Variants in LHX6 observed in about 807,000 individuals in gnomAD.
LHX6 encodes the protein LIM/homeobox protein Lhx6.
In LHX6, 15 loss-of-function variants were observed where a neutral mutation model predicts 47.1. The observed-to-expected ratio is 0.32, with a 90% confidence interval of 0.21 to 0.49. The LOEUF is 0.49. LHX6 is among the 20% of genes least tolerant of loss of function. The pLI, the probability that LHX6 is intolerant of heterozygous loss-of-function variation, is 0.99. For missense variants in LHX6, 404 were observed against 539.6 expected (o/e 0.75, Z 2.49); for synonymous variants, 242 against 233.5 (o/e 1.04, Z -0.33).
At chr9:122,223,531 A>G (rs1006097514) in intron 4 of LHX6, among the ~76,000 whole-genome samples, 7 of 152,134 alleles carry the variant, frequency 4.6e-5, no homozygotes, top group Non-Finnish European at 1.0e-4. Flanking sequence ...CTTCCCCCCA[A>G]CAGTGGCCTC....
At position 122,226,689 on chromosome 9, in the gene LHX6, G is replaced by A; in HGVS notation, c.339+159C>T. On this transcript the variant is annotated intron_variant, in intron 3 of 9. Transcript: ENST00000394319. The surrounding 1 kb of genome is among the most constrained non-coding windows in gnomAD (Gnocchi z 6.5). ...TCTTCTTATTTTTCAGACGGAACCC[G>A]GGGGCTCAGGCAGACCCTAAGTCTT... 8.4e-7 allele frequency: 1 copy of A among 1,194,936 alleles called. No homozygotes were observed. Among genetic ancestry groups the A allele is most frequent in the Non-Finnish European group, 1.1e-6 (1 of 877,520 alleles). 74.0% of individuals were successfully genotyped at this position (1,194,936 alleles called of 1,614,324 possible).
intron 8 of LHX6, among the ~76,000 whole-genome samples, chr9:122,211,638 A>AC (rs1370706901): frequency 2.6e-5 from 4 of 152,228 alleles, no homozygotes; most frequent in African/African-American, 9.6e-5. Context: ...GCAGGTGCAC[A>AC]CACCCCCAAC....
intron 4 of LHX6, chr9:122,221,334 C>G: frequency 1.0e-6 from 1 of 985,644 alleles, no homozygotes; most frequent in Non-Finnish European, 1.2e-6. Context: ...CAACATCTGT[C>G]CCCCAACAGC....
At position 122,213,159 on chromosome 9, in the gene LHX6, G is replaced by A. The variant is rs1189183656; in HGVS notation, c.1054+447C>T. ...TTCAGTCTCTGCTTGCTGAAAGGCA[G>A]CCCAGCCCCTTCCCTTCCACCCCGC... is the stretch of plus-strand genomic sequence containing the variant. On this transcript the variant is annotated intron_variant, in intron 8 of 9. Transcript: ENST00000394319. This position sits in a 1 kb window ranked among gnomAD's most constrained non-coding sequence, Gnocchi z 5.5. 1.3e-5 allele frequency among the ~76,000 whole-genome samples: 2 copies of A among 151,926 alleles called. No homozygotes were observed. The highest frequency in any genetic ancestry group is 4.8e-5 in the African/African-American group (2 of 41,352).
At position 122,226,877 on chromosome 9, in the gene LHX6, G is replaced by A; in HGVS notation, c.310C>T (p.Leu104Phe). ...AGKNICSSCG[L>F]EILDRYLLKV... is the part of the protein sequence containing the mutation. Reference sequence around the variant, plus strand: ...AGCAGATATCGGTCCAGGATCTCGAGGCCGCAGCTGGAGCAGATGTTCTTG... The same window carrying A: ...AGCAGATATCGGTCCAGGATCTCGAAGCCGCAGCTGGAGCAGATGTTCTTG... The change falls in exon 3 of 10, where the codon CTC becomes TTC. Residue 104 changes from leucine (L) to phenylalanine (F), a missense_variant. By Grantham distance (22) the Leu-to-Phe change is conservative. Transcript: ENST00000394319. The surrounding 1 kb of genome is among the most constrained non-coding windows in gnomAD (Gnocchi z 6.5). 6.4e-7 allele frequency: 1 copy of A among 1,567,728 alleles called. No individual in the cohort carries two copies. Among genetic ancestry groups the A allele is most frequent in the Non-Finnish European group, 8.6e-7 (1 of 1,156,536 alleles).
Position 122,227,440 on chromosome 9 carries a change from C to T in LHX6, c.125G>A (p.Arg42His). The change falls in exon 2 of 10, where the codon CGC becomes CAC. Residue 42 changes from arginine to histidine, a missense_variant. Transcript: ENST00000394319. ...GGGCGGCGCGGTCCCTTCAAGACAG[C>T]GGGTGGTCGCTTTGCAGCCGGACCC... Reference protein sequence around the residue: ...QPGSGCKATTRCLEGTAPPAM... With the variant: ...QPGSGCKATTHCLEGTAPPAM... 2 of 1,261,806 alleles carry T rather than the reference C, an allele frequency of 1.6e-6. No homozygotes were observed. The allele number at this position is 1,261,806 out of a possible 1,614,324, so 78.2% of individuals were successfully genotyped here. A position where few individuals can be genotyped will look rare whatever the true frequency, so the allele number is the denominator to read the frequency against.
chr9:122,227,316 T>C, intron 2 of LHX6, 93 bp downstream of exon 2: 1 of 1,245,730 alleles, frequency 8.0e-7, no homozygotes. Flanking sequence ...CCCCAGAGCG[T>C]GAGCAGCAGT....
In LHX6 at chr9:122,227,477, T is replaced by A. The variant is rs1831159721; in HGVS notation, c.88A>T (p.Met30Leu). ...TTGCAGCCGGACCCTGGCTGGGCCATCACCTGGGGGAGGGGGGGAGGGAAC... is the reference window on the plus strand; with the variant it reads ...TTGCAGCCGGACCCTGGCTGGGCCAACACCTGGGGGAGGGGGGGAGGGAAC... ...AEGGPATDQV[M>L]AQPGSGCKAT... Residue 30 changes from methionine to leucine, a missense_variant, in exon 2 of 10, where the codon ATG becomes TTG. Transcript: ENST00000394319. 2 of 570,312 alleles carry A rather than the reference T, an allele frequency of 3.5e-6. No homozygotes were observed. Among genetic ancestry groups the A allele is most frequent in the East Asian group, 1.7e-4 (2 of 12,064 alleles). The allele number at this position is 570,312 out of a possible 1,614,324, so 35.3% of individuals were successfully genotyped here.
chr9:122,210,446 AGGACTCT>A (rs1830359113), intron 8 of LHX6, among the ~76,000 whole-genome samples: 1 of 152,132 alleles, frequency 6.6e-6, no homozygotes, highest in South Asian at 2.1e-4. Flanking sequence ...TGCCTCTTAG[AGGACTCT>A]GTACTCGTAT....
At chr9:122,224,995 G>A (rs556864300) in intron 4 of LHX6, among the ~76,000 whole-genome samples, 22 of 152,214 alleles carry the variant, frequency 1.4e-4, no homozygotes, top group African/African-American at 4.1e-4. Flanking sequence ...GGAAGAGTCC[G>A]TCTCTTTAAC....
intron 9 of LHX6, among the ~76,000 whole-genome samples, chr9:122,207,411 C>T (rs1830225450): frequency 6.6e-6 from 1 of 152,238 alleles, no homozygotes; most frequent in Non-Finnish European, 1.5e-5. Flanking sequence ...CAAGTCATGT[C>T]ACCTCTCGGA....
intron 4 of LHX6, among the ~76,000 whole-genome samples, chr9:122,219,507 G>A (rs1430437334): frequency 6.6e-6 from 1 of 152,194 alleles, no homozygotes; most frequent in Non-Finnish European, 1.5e-5. Context: ...CCACCCGGCT[G>A]GTGGTATCCG....
rs76338666 is a variant in LHX6 at position 122,213,363 on chromosome 9, G to A, written c.1054+243C>T. 0.051 allele frequency among the ~76,000 whole-genome samples: 7,770 copies of A among 152,198 alleles called. 618 individuals carry two copies. The highest frequency in any genetic ancestry group is 0.17 in the African/African-American group (7,115 of 41,482). ...ACTGGCACATTGTGGGTGCTTTGAAGGCATTTTTTGAATGGCTGCTGAATC... is the reference window on the plus strand; with the variant it reads ...ACTGGCACATTGTGGGTGCTTTGAAAGCATTTTTTGAATGGCTGCTGAATC... On this transcript the variant is annotated intron_variant, in intron 8 of 9. Transcript: ENST00000394319. The surrounding 1 kb of genome is among the most constrained non-coding windows in gnomAD (Gnocchi z 5.5).
At chr9:122,216,499 T>C (rs1196023930) in intron 5 of LHX6, among the ~76,000 whole-genome samples, 1 of 152,186 alleles carries the variant, frequency 6.6e-6, no homozygotes, top group Non-Finnish European at 1.5e-5. Context: ...GTCAACACAG[T>C]ATGGGAGAGC....
Position 122,227,406 on chromosome 9 carries a change from C to T in LHX6, c.156+3G>A. The T allele has an allele frequency of 6.5e-7, 1 of 1,526,850 alleles. No homozygotes were observed. Among genetic ancestry groups the T allele is most frequent in the Non-Finnish European group, 8.8e-7 (1 of 1,138,264 alleles). The allele number at this position is 1,526,850 out of a possible 1,614,324, so 94.6% of individuals were successfully genotyped here. A position where few individuals can be genotyped will look rare whatever the true frequency, so the allele number is the denominator to read the frequency against. On this transcript the variant is annotated splice_donor_region_variant and intron_variant, in intron 2 of 9. Coordinates refer to ENST00000394319, the MANE Select transcript of LHX6 (RefSeq NM_014368.5). ...CACCGCAGGCAGGGCCAAACGGACT[C>T]ACCATGGCGGGCGGCGCGGTCCCTT...
rs1187634580 is a variant in LHX6 at position 122,226,556 on chromosome 9, C to T, written c.340-59G>A. 6.3e-7 allele frequency: 1 copy of T among 1,577,316 alleles called. No homozygotes were observed. Among genetic ancestry groups the T allele is most frequent in the East Asian group, 2.3e-5 (1 of 44,314 alleles). ...CGCGGGCCTCTTTCACTCCGGGCCC[C>T]AGCCTTCCCGGTCTCATTTACAGTC... On this transcript the variant is annotated intron_variant, in intron 3 of 9. Transcript: ENST00000394319. The surrounding 1 kb of genome is among the most constrained non-coding windows in gnomAD (Gnocchi z 6.5).
chr9:122,217,123 G>C lies in LHX6; in HGVS notation c.627C>G (p.Leu209=), dbSNP rs1830624029. 6.2e-7 allele frequency: 1 copy of C among 1,614,230 alleles called. No homozygotes were observed. The change falls in exon 5 of 10, where the codon CTC becomes CTG. Residue 209 remains leucine, a synonymous_variant. Transcript: ENST00000394319. This position sits in a 1 kb window ranked among gnomAD's most constrained non-coding sequence, Gnocchi z 4.9. ...EEFGLVEEKV[L]CRIHYDTMIE... is the part of the protein sequence containing the mutation. ...TCATGGTGTCGTAGTGGATGCGGCA[G>C]AGCACCTTCTCCTCGACCAGGCCGA...
chr9:122,216,380 G>A lies in LHX6; in HGVS notation c.682+688C>T, dbSNP rs372817221. ...CCTGGATCTTGTTCCTGGGCAATCT[G>A]GGGAATCACAATGTCAGAGCCAGAA... On this transcript the variant is annotated intron_variant, in intron 5 of 9. Coordinates refer to ENST00000394319, the MANE Select transcript of LHX6 (RefSeq NM_014368.5). 1.5e-3 allele frequency among the ~76,000 whole-genome samples: 232 copies of A among 152,286 alleles called. 1 individual carries two copies. Among genetic ancestry groups the A allele is most frequent in the African/African-American group, 5.4e-3 (223 of 41,562 alleles).
intron 4 of LHX6, among the ~76,000 whole-genome samples, chr9:122,220,651 G>C (rs1207995279): frequency 2.0e-5 from 3 of 152,226 alleles, no homozygotes; most frequent in South Asian, 2.1e-4. Context: ...TGTGAGGTCC[G>C]GGCCTTGCGT....
Sources: allele counts gnomAD v4.1 joint callset (sites outside exome capture counted in the v4.1 genomes callset), GRCh38; gene constraint gnomAD v4.1.1; non-coding constraint Gnocchi (gnomAD v3.1); transcripts MANE v1.5; gene names NCBI Gene and HGNC (gene_info 2026-07-23, HGNC 2026-07-21).